PLCL2: variants seen among roughly 807,000 people sequenced by gnomAD.
PLCL2 encodes the protein inactive phospholipase C-like protein 2.
Under a neutral mutation model 79.6 loss-of-function variants are expected in PLCL2, and 4 were observed. That is an observed-to-expected ratio of 0.05 (90% CI 0.02 to 0.11). PLCL2 has a LOEUF of 0.11. Among genes scored for constraint, PLCL2 ranks in the 10% least tolerant of loss-of-function variants. The pLI is 1.00. For synonymous variants in PLCL2, 484 were observed against 457.7 expected (o/e 1.06, Z -0.73); for missense variants, 895 against 1,291.0 (o/e 0.69, Z 4.70).
At chr3:16,913,728 C>T (rs1372073) in intron 1 of PLCL2, among the ~76,000 whole-genome samples, 4,807 of 152,030 alleles carry the variant, frequency 0.032, 118 homozygotes, top group South Asian at 0.059. Flanking sequence ...AAATAGCTGT[C>T]ATGTAGTCAT....
At chr3:16,996,404 C>T (rs2064153680) in intron 1 of PLCL2, among the ~76,000 whole-genome samples, 1 of 152,130 alleles carries the variant, frequency 6.6e-6, no homozygotes, top group African/African-American at 2.4e-5. Context: ...TCCAGCTGGA[C>T]ACCTGTAGGC....
chr3:17,047,142 A>G (rs542928392), intron 4 of PLCL2, among the ~76,000 whole-genome samples: 2 of 152,344 alleles, frequency 1.3e-5, no homozygotes, highest in South Asian at 2.1e-4. Flanking sequence ...CTTTACGTAC[A>G]TGCATAATTC....
chr3:17,060,467 G>A (rs1005475389), intron 4 of PLCL2, among the ~76,000 whole-genome samples: 8 of 152,134 alleles, frequency 5.3e-5, no homozygotes, highest in African/African-American at 1.9e-4. Flanking sequence ...CTACCAACTG[G>A]AACTATCTGA....
At chr3:16,970,690 T>G (rs1468721612) in intron 1 of PLCL2, among the ~76,000 whole-genome samples, 5 of 144,260 alleles carry the variant, frequency 3.5e-5, no homozygotes, top group Non-Finnish European at 7.6e-5. Context: ...AGTGTAAAAG[T>G]GTTCCTATTT....
At position 17,011,554 on chromosome 3, in the gene PLCL2, G is replaced by T; in HGVS notation, c.2208G>T (p.Glu736Asp). Residue 736 changes from glutamate to aspartate, a missense_variant, in exon 2 of 6, where the codon GAG becomes GAT. Physicochemically the swap from Glu to Asp is conservative, Grantham distance 45 (BLOSUM62 2). Coordinates refer to ENST00000615277, the MANE Select transcript of PLCL2 (RefSeq NM_001144382.2). This position sits in a 1 kb window ranked among gnomAD's most constrained non-coding sequence, Gnocchi z 7.9. Reference sequence around the variant, plus strand: ...TCCGGCCAGCCATCATGAGGGAGGAGGTCTCCTTCTTCAGCGCCAATACAA... The same window carrying T: ...TCCGGCCAGCCATCATGAGGGAGGATGTCTCCTTCTTCAGCGCCAATACAA... ...YVLRPAIMRE[E>D]VSFFSANTKD... 1 of 1,614,110 alleles carries T rather than the reference G, an allele frequency of 6.2e-7. No individual in the cohort carries two copies. The highest frequency in any genetic ancestry group is 8.5e-7 in the Non-Finnish European group (1 of 1,180,014).
At chr3:17,002,765 G>A (rs1355576396) in intron 1 of PLCL2, among the ~76,000 whole-genome samples, 1 of 151,650 alleles carries the variant, frequency 6.6e-6, no homozygotes, top group African/African-American at 2.4e-5. Flanking sequence ...GCTCTGTTTT[G>A]TTTTTCTAAA....
intron 1 of PLCL2, among the ~76,000 whole-genome samples, chr3:16,900,330 T>C (rs1173869286): frequency 6.6e-6 from 1 of 152,248 alleles, no homozygotes; most frequent in East Asian, 1.9e-4. Flanking sequence ...ATAAAAATTT[T>C]AACTGATAAA....
intron 1 of PLCL2, among the ~76,000 whole-genome samples, chr3:16,955,283 A>G (rs1319579202): frequency 6.6e-6 from 1 of 152,218 alleles, no homozygotes; most frequent in Non-Finnish European, 1.5e-5. Flanking sequence ...TTAAATAGGG[A>G]ATCTTTCCTC....
At chr3:16,909,301 A>G (rs1482320466) in intron 1 of PLCL2, among the ~76,000 whole-genome samples, 2 of 152,188 alleles carry the variant, frequency 1.3e-5, no homozygotes, top group Non-Finnish European at 2.9e-5. Flanking sequence ...TTCAAATTTT[A>G]GCTCTGCCAC....
In PLCL2 at chr3:16,898,131, G is replaced by A. The variant is rs535259932; in HGVS notation, c.327+12765G>A. ...CCTTGGAGACCCCTGTTTAGAGGCC[G>A]GAGAGGCACCAACAGTTTGGCAGCA... On this transcript the variant is annotated intron_variant, in intron 1 of 5. Coordinates refer to ENST00000615277, the MANE Select transcript of PLCL2 (RefSeq NM_001144382.2). Among the ~76,000 whole-genome samples the A allele has an allele frequency of 4.6e-5, 7 of 152,314 alleles. No homozygotes were observed. In the South Asian group the frequency reaches 1.0e-3, roughly 23 times the overall value.
intron 4 of PLCL2, among the ~76,000 whole-genome samples, chr3:17,066,240 C>T (rs2065010227): frequency 6.6e-6 from 1 of 152,076 alleles, no homozygotes; most frequent in Non-Finnish European, 1.5e-5. Context: ...GCGTTAGTTC[C>T]CTGGAGAGTG....
At chr3:16,995,448 G>T (rs576570537) in intron 1 of PLCL2, among the ~76,000 whole-genome samples, 10 of 152,338 alleles carry the variant, frequency 6.6e-5, no homozygotes, top group South Asian at 2.1e-4. Context: ...CTTCTCTAAG[G>T]AGGTGCTGGC....
chr3:16,912,235 G>GT lies in PLCL2; in HGVS notation c.327+26880dup, dbSNP rs931626610. Among the ~76,000 whole-genome samples the GT allele has an allele frequency of 1.1e-3, 158 of 146,648 alleles. 1 individual carries two copies. The highest frequency in any genetic ancestry group is 1.6e-3 in the African/African-American group (63 of 40,208). The stretch of plus-strand genomic sequence containing the variant: ...GAATTTATGGAAATACTTCACGTCA[G>GT]TTTTTTTTTTTAAATAGCCAAATAG... On this transcript the variant is annotated intron_variant, in intron 1 of 5. Coordinates refer to ENST00000615277, the MANE Select transcript of PLCL2 (RefSeq NM_001144382.2).
chr3:16,931,698 T>A (rs186823996), intron 1 of PLCL2, among the ~76,000 whole-genome samples: 9 of 152,336 alleles, frequency 5.9e-5, no homozygotes, highest in Non-Finnish European at 8.8e-5. Context: ...CAAGTCTCTT[T>A]TTTTAAGGTT....
chr3:16,894,861 G>A (rs994751554), intron 1 of PLCL2, among the ~76,000 whole-genome samples: 1 of 151,600 alleles, frequency 6.6e-6, no homozygotes, highest in African/African-American at 2.4e-5. Context: ...TATGTCTTTT[G>A]TGATATATAT....
chr3:17,034,333 C>T (rs1273655242), intron 3 of PLCL2, among the ~76,000 whole-genome samples: 1 of 152,072 alleles, frequency 6.6e-6, no homozygotes, highest in Non-Finnish European at 1.5e-5. Context: ...AGGCTCTGGC[C>T]ACCTTTGATA....
At chr3:16,951,380 T>C (rs959647804) in intron 1 of PLCL2, among the ~76,000 whole-genome samples, 1 of 152,146 alleles carries the variant, frequency 6.6e-6, no homozygotes, top group South Asian at 2.1e-4. Context: ...ATCTGAATTT[T>C]GAAAGTAATA....
At chr3:16,968,282 A>G (rs2124976345) in intron 1 of PLCL2, among the ~76,000 whole-genome samples, 1 of 152,208 alleles carries the variant, frequency 6.6e-6, no homozygotes, top group Admixed American at 6.6e-5. Context: ...CAATTTTAAC[A>G]TAGTTTTTTT....
Position 16,933,991 on chromosome 3 carries a change from C to A in PLCL2, c.327+48625C>A, listed in dbSNP as rs1021018584. On this transcript the variant is annotated intron_variant, in intron 1 of 5. Coordinates refer to ENST00000615277, the MANE Select transcript of PLCL2 (RefSeq NM_001144382.2). ...CGGAGGCAGGAGAATCGCTTGAACC[C>A]AGGAGGCGGAGGTTGCAGTGAGCCC... is the stretch of plus-strand genomic sequence containing the variant. Among the ~76,000 whole-genome samples, 5 of 152,216 alleles carry A rather than the reference C, an allele frequency of 3.3e-5. No homozygotes were observed. In the South Asian group the frequency reaches 1.0e-3, roughly 32 times the overall value.
Sources: gnomAD v4.1 joint callset for allele counts (sites outside exome capture counted in the v4.1 genomes callset) on GRCh38, gnomAD v4.1.1 for gene constraint, Gnocchi (gnomAD v3.1) non-coding constraint, MANE v1.5 for transcripts, NCBI Gene and HGNC (gene_info 2026-07-23, HGNC 2026-07-21) for gene names.